The following CNTNAP4 variants were observed in gnomAD, a reference collection of about 807,000 sequenced individuals.
The protein encoded by CNTNAP4 is contactin associated protein family member 4, also known as contactin-associated protein-like 4.
In CNTNAP4, 98 loss-of-function variants were observed where a neutral mutation model predicts 148.4. The observed-to-expected ratio is 0.66, with a 90% CI of 0.56 to 0.78. The LOEUF (loss-of-function observed/expected upper bound fraction) is 0.78. CNTNAP4 is among the 30% of genes least tolerant of loss of function. CNTNAP4 has a pLI of 0.00. For missense variants in CNTNAP4, 1,935 were observed against 1,565.6 expected (o/e 1.24, Z -3.98); for synonymous variants, 730 against 565.1 (o/e 1.29, Z -4.14).
At chr16:76,466,159 A>G (rs544295995) in intron 9 of CNTNAP4, among the ~76,000 whole-genome samples, 2 of 152,286 alleles carry the variant, frequency 1.3e-5, no homozygotes, top group East Asian at 3.9e-4. Context: ...TTTAGGTCCC[A>G]CAAATAAATG....
intron 2 of CNTNAP4, among the ~76,000 whole-genome samples, chr16:76,332,237 T>C (rs934354849): frequency 2.0e-5 from 3 of 152,144 alleles, no homozygotes; most frequent in African/African-American, 7.2e-5. Flanking sequence ...TTCATGTCTT[T>C]TATCAAATTT....
intron 2 of CNTNAP4, among the ~76,000 whole-genome samples, chr16:76,333,274 C>T (rs1597225124): frequency 6.6e-6 from 1 of 152,086 alleles, no homozygotes; most frequent in East Asian, 1.9e-4. Flanking sequence ...CATGATGTGT[C>T]TCTTGTATGT....
At chr16:76,335,580 A>C (rs1285898175) in intron 2 of CNTNAP4, among the ~76,000 whole-genome samples, 1 of 152,188 alleles carries the variant, frequency 6.6e-6, no homozygotes, top group Non-Finnish European at 1.5e-5. Context: ...CCCTGTCCTC[A>C]AACTAAGTCC....
At chr16:76,379,190 A>G (rs976370067) in intron 3 of CNTNAP4, among the ~76,000 whole-genome samples, 4 of 152,074 alleles carry the variant, frequency 2.6e-5, no homozygotes, top group East Asian at 1.9e-4. Flanking sequence ...AATGACTCCA[A>G]TTCACAGTGC....
chr16:76,358,407 T>A (rs562521998), intron 3 of CNTNAP4, among the ~76,000 whole-genome samples: 2 of 152,140 alleles, frequency 1.3e-5, no homozygotes, highest in Admixed American at 1.3e-4. Context: ...AAAGAAAGAT[T>A]AAGCGGAACA....
At chr16:76,318,709 A>G (rs547961764) in intron 2 of CNTNAP4, among the ~76,000 whole-genome samples, 251 of 78,830 alleles carry the variant, frequency 3.2e-3, no homozygotes, top group African/African-American at 9.2e-3. Flanking sequence ...TGATTTATTT[A>G]TTAGAGAGAA....
intron 2 of CNTNAP4, among the ~76,000 whole-genome samples, chr16:76,333,074 C>A (rs1386740625): frequency 6.6e-6 from 1 of 152,126 alleles, no homozygotes; most frequent in Non-Finnish European, 1.5e-5. Flanking sequence ...TTAAACTATT[C>A]TTGTAAGGAT....
At chr16:76,414,212 G>C (rs2078900580) in intron 3 of CNTNAP4, among the ~76,000 whole-genome samples, 1 of 151,288 alleles carries the variant, frequency 6.6e-6, no homozygotes, top group Non-Finnish European at 1.5e-5. Flanking sequence ...TGCAGAGTTA[G>C]ACATTGCCTG....
intron 8 of CNTNAP4, among the ~76,000 whole-genome samples, chr16:76,455,885 G>C (rs1326033671): frequency 2.0e-5 from 3 of 152,154 alleles, no homozygotes; most frequent in African/African-American, 4.8e-5. Context: ...TCATGTTTCT[G>C]ATGCAATTTA....
At chr16:76,464,217 T>C (rs1282166898) in intron 9 of CNTNAP4, among the ~76,000 whole-genome samples, 1 of 152,136 alleles carries the variant, frequency 6.6e-6, no homozygotes, top group Non-Finnish European at 1.5e-5. Context: ...TTCTGGATCC[T>C]GGGAGTGAAC....
intron 8 of CNTNAP4, among the ~76,000 whole-genome samples, chr16:76,457,791 TTTAC>T (rs1170327048): frequency 1.4e-5 from 2 of 137,942 alleles, no homozygotes. Flanking sequence ...TATTTGTTAT[TTTAC>T]TTTTTATTTT....
chr16:76,535,932 G>A (rs954614708), intron 18 of CNTNAP4, 148 bp downstream of exon 18: 10 of 782,598 alleles, frequency 1.3e-5, no homozygotes, highest in Non-Finnish European at 2.0e-5. Context: ...TAAAGAATGA[G>A]TACAAGATCC....
intron 1 of CNTNAP4, among the ~76,000 whole-genome samples, chr16:76,314,935 A>G (rs1427805452): frequency 6.6e-6 from 1 of 152,144 alleles, no homozygotes; most frequent in Non-Finnish European, 1.5e-5. Flanking sequence ...TTAAACTCAT[A>G]TATGTCCCTA....
chr16:76,365,735 G>A (rs2014034367), intron 3 of CNTNAP4, among the ~76,000 whole-genome samples: 1 of 136,918 alleles, frequency 7.3e-6, no homozygotes. Flanking sequence ...CTGGGGGACA[G>A]AGTGAGACTC....
chr16:76,397,020 T>C (rs1458829171), intron 3 of CNTNAP4, among the ~76,000 whole-genome samples: 1 of 151,994 alleles, frequency 6.6e-6, no homozygotes, highest in Non-Finnish European at 1.5e-5. Context: ...ACTTAAGCAA[T>C]GGAGAGGAAT....
chr16:76,338,122 G>C (rs1451118223), intron 2 of CNTNAP4, among the ~76,000 whole-genome samples: 1 of 152,226 alleles, frequency 6.6e-6, no homozygotes, highest in Non-Finnish European at 1.5e-5. Flanking sequence ...GAAATTATAA[G>C]AGTATCGATT....
At chr16:76,335,791 C>A (rs1567750760) in intron 2 of CNTNAP4, among the ~76,000 whole-genome samples, 1 of 152,118 alleles carries the variant, frequency 6.6e-6, no homozygotes, top group Admixed American at 6.6e-5. Context: ...CTAAAAGCTG[C>A]TGGGGGTGCC....
chr16:76,466,012 A>G (rs1283659685), intron 9 of CNTNAP4, among the ~76,000 whole-genome samples: 4 of 152,238 alleles, frequency 2.6e-5, no homozygotes, highest in Admixed American at 6.5e-5. Flanking sequence ...TTATACAGGA[A>G]TTAAGAAGTT....
intron 3 of CNTNAP4, among the ~76,000 whole-genome samples, chr16:76,373,605 A>T (rs1017828976): frequency 6.6e-5 from 10 of 152,046 alleles, no homozygotes; most frequent in African/African-American, 2.2e-4. Context: ...AAAGGAGGAA[A>T]CTGGACAGGC....
Sources: gnomAD v4.1 joint callset for allele counts (sites outside exome capture counted in the v4.1 genomes callset) on GRCh38, gnomAD v4.1.1 for gene constraint, MANE v1.5 for transcripts, NCBI Gene and HGNC (gene_info 2026-07-23, HGNC 2026-07-21) for gene names.